Variants in NEK10 observed in about 807,000 individuals in gnomAD.
NEK10 encodes the protein serine/threonine-protein kinase Nek10.
Under a neutral mutation model 159.8 loss-of-function variants are expected in NEK10, and 122 were observed. The ratio of observed to expected loss-of-function variants is 0.76; its 90% CI spans 0.66 to 0.89. The LOEUF (loss-of-function observed/expected upper bound fraction) is 0.89. Ranked by LOEUF, NEK10 falls within the 40% of genes least tolerant of loss-of-function variation. The pLI, the probability that NEK10 is intolerant of heterozygous loss-of-function variation, is 0.00. For synonymous variants in NEK10, 466 were observed against 457.1 expected (o/e 1.02, Z -0.25); for missense variants, 1,342 against 1,323.1 (o/e 1.01, Z -0.22).
intron 13 of NEK10, among the ~76,000 whole-genome samples, chr3:27,300,790 TAAACCCCCAGC>T: frequency 1.3e-5 from 2 of 152,178 alleles, no homozygotes; most frequent in African/African-American, 4.8e-5. Context: ...CTTCAAACAG[TAAACCCCCAGC>T]ACAAGACCTT....
chr3:27,285,190 C>A (rs2042487428), intron 20 of NEK10, among the ~76,000 whole-genome samples: 1 of 152,056 alleles, frequency 6.6e-6, no homozygotes, highest in Non-Finnish European at 1.5e-5. Flanking sequence ...TACAGACAAC[C>A]CCTTAGCATA....
chr3:27,218,713 C>T (rs567773901), intron 23 of NEK10, among the ~76,000 whole-genome samples: 8 of 111,078 alleles, frequency 7.2e-5, no homozygotes, highest in Non-Finnish European at 1.5e-4. Flanking sequence ...CCAGGTAAAA[C>T]ATCATATTAA....
At chr3:27,220,552 T>C (rs919324070) in intron 23 of NEK10, among the ~76,000 whole-genome samples, 2 of 152,116 alleles carry the variant, frequency 1.3e-5, no homozygotes, top group African/African-American at 4.8e-5. Context: ...CTAGGGATTA[T>C]ACTAGAATGT....
chr3:27,278,669 G>T, intron 22 of NEK10: 1 of 976,654 alleles, frequency 1.0e-6, no homozygotes, highest in Middle Eastern at 5.3e-4. Flanking sequence ...ATAATTAAAT[G>T]AGTTTTGTTT....
At position 27,270,093 on chromosome 3, in the gene NEK10, T is replaced by C. The variant is rs1169179912; in HGVS notation, c.2015-13722A>G. Among the ~76,000 whole-genome samples the C allele has an allele frequency of 2.6e-5, 4 of 152,340 alleles. No individual in the cohort carries two copies. In the East Asian group the frequency reaches 7.7e-4, roughly 29 times the overall value. ...ATGAGACTTGGTAACTCATGGCTAA[T>C]GAACTGAATATAGCAGAACGGATGA... On this transcript the variant is annotated intron_variant, in intron 22 of 35. Transcript: ENST00000691995.
intron 1 of NEK10, among the ~76,000 whole-genome samples, chr3:27,357,832 C>A (rs2048421080): frequency 6.6e-6 from 1 of 152,000 alleles, no homozygotes; most frequent in Admixed American, 6.6e-5. Context: ...GGGGACTAAC[C>A]CAGAAATTGA....
At chr3:27,167,945 A>G (rs569620906) in intron 29 of NEK10, among the ~76,000 whole-genome samples, 1 of 152,286 alleles carries the variant, frequency 6.6e-6, no homozygotes, top group South Asian at 2.1e-4. Flanking sequence ...CATTTGCCCA[A>G]AAGCATATCC....
chr3:27,257,709 G>T lies in NEK10; in HGVS notation c.2015-1338C>A, dbSNP rs547148656. Reference sequence around the variant, plus strand: ...CTCAGGAACTGGACAGCCTCAATCTGAATACTGACTCTATTATGAGCAACT... The same window carrying T: ...CTCAGGAACTGGACAGCCTCAATCTTAATACTGACTCTATTATGAGCAACT... On this transcript the variant is annotated intron_variant, in intron 22 of 35. Transcript: ENST00000691995. Among the ~76,000 whole-genome samples, 352 of 151,784 alleles carry T rather than the reference G, an allele frequency of 2.3e-3. 2 individuals are homozygous for T. The highest frequency in any genetic ancestry group is 4.3e-3 in the Non-Finnish European group (291 of 67,976).
chr3:27,172,347 A>C (rs1459592181), intron 28 of NEK10, among the ~76,000 whole-genome samples: 2 of 151,260 alleles, frequency 1.3e-5, no homozygotes, highest in Admixed American at 1.3e-4. Flanking sequence ...AAAAAAAAAA[A>C]AAAAAAAAAA....
chr3:27,323,985 C>A (rs189911977), intron 5 of NEK10, among the ~76,000 whole-genome samples: 99 of 152,272 alleles, frequency 6.5e-4, no homozygotes, highest in African/African-American at 2.3e-3. Context: ...ATTTTAGGCA[C>A]CTCTCACTTA....
Position 27,177,388 on chromosome 3 carries a change from CA to C in NEK10, c.2506-2556del, listed in dbSNP as rs376615630. Among the ~76,000 whole-genome samples, 12 of 151,616 alleles carry C rather than the reference CA, an allele frequency of 7.9e-5. No individual in the cohort carries two copies. The South Asian group carries it at 1.5e-3, about 18-fold the overall frequency. ...GAAACCCTGTCTCTACTAAAAAATACAAAAAAATTAGCCGGGCATGGTGGTG... is the reference window on the plus strand; with the variant it reads ...GAAACCCTGTCTCTACTAAAAAATACAAAAAATTAGCCGGGCATGGTGGTG... On this transcript the variant is annotated intron_variant, in intron 26 of 35. Coordinates refer to ENST00000691995, the MANE Select transcript of NEK10 (RefSeq NM_001394966.1).
intron 22 of NEK10, among the ~76,000 whole-genome samples, chr3:27,267,494 AT>A (rs1246048462): frequency 1.3e-5 from 2 of 152,090 alleles, no homozygotes; most frequent in Non-Finnish European, 2.9e-5. Flanking sequence ...TGTCTCTCAC[AT>A]TTTGGTAATT....
At chr3:27,237,160 C>A (rs1018941835) in intron 23 of NEK10, among the ~76,000 whole-genome samples, 3 of 145,468 alleles carry the variant, frequency 2.1e-5, no homozygotes, top group African/African-American at 7.9e-5. Context: ...TGCCTGACCC[C>A]GCAGGCAGTC....
At chr3:27,167,485 A>G (rs1311122617) in intron 29 of NEK10, among the ~76,000 whole-genome samples, 1 of 152,216 alleles carries the variant, frequency 6.6e-6, no homozygotes, top group African/African-American at 2.4e-5. Context: ...AATATGTGAC[A>G]AAGAGGCTGA....
chr3:27,343,601 C>T (rs1370891067), intron 5 of NEK10, among the ~76,000 whole-genome samples: 4 of 152,084 alleles, frequency 2.6e-5, no homozygotes, highest in Non-Finnish European at 4.4e-5. Context: ...TGTTAGGAGC[C>T]TCCTTTGCAT....
intron 22 of NEK10, among the ~76,000 whole-genome samples, chr3:27,267,198 A>C (rs1024784343): frequency 6.6e-6 from 1 of 152,184 alleles, no homozygotes; most frequent in Admixed American, 6.5e-5. Context: ...GCAGCATTTC[A>C]ATGCAATTTC....
intron 28 of NEK10, among the ~76,000 whole-genome samples, chr3:27,173,507 A>T (rs901352773): frequency 6.6e-6 from 1 of 152,232 alleles, no homozygotes; most frequent in Non-Finnish European, 1.5e-5. Context: ...AGGACAGAAT[A>T]TTGAAAACTG....
intron 23 of NEK10, 73 bp from the exon 24 acceptor site, chr3:27,202,630 T>C: frequency 7.3e-7 from 1 of 1,375,306 alleles, no homozygotes; most frequent in South Asian, 2.0e-5. Flanking sequence ...ATTTTCAAGC[T>C]TTATTGGAGT....
chr3:27,115,909 TTCAC>T, intron 35 of NEK10, 27 bp downstream of exon 35: 1 of 1,532,950 alleles, frequency 6.5e-7, no homozygotes, highest in Non-Finnish European at 9.0e-7. Flanking sequence ...CAATTCATCT[TTCAC>T]AATTGAAGGC....
Sources: allele counts gnomAD v4.1 joint callset (sites outside exome capture counted in the v4.1 genomes callset), GRCh38; gene constraint gnomAD v4.1.1; transcripts MANE v1.5; gene names NCBI Gene and HGNC (gene_info 2026-07-23, HGNC 2026-07-21).